The following TENM3 variants were observed in gnomAD, a reference collection of about 807,000 sequenced individuals.
The protein encoded by TENM3 is teneurin-3.
Under a neutral mutation model 255.1 loss-of-function variants are expected in TENM3, and 63 were observed. The ratio of observed to expected loss-of-function variants is 0.25; its 90% confidence interval spans 0.20 to 0.30. The LOEUF (loss-of-function observed/expected upper bound fraction) is 0.30, where lower values mean the gene tolerates loss of function less well. Among genes scored for constraint, TENM3 ranks in the 10% least tolerant of loss-of-function variants. The pLI, the probability that TENM3 is intolerant of heterozygous loss-of-function variation, is 1.00. For missense variants in TENM3, 2,929 were observed against 3,461.1 expected (o/e 0.85, Z 3.86); for synonymous variants, 1,306 against 1,322.3 (o/e 0.99, Z 0.27).
intron 1 of TENM3, among the ~76,000 whole-genome samples, chr4:182,177,958 G>GTTTTTTTTTTT (rs56256529): frequency 1.5e-4 from 18 of 117,130 alleles, no homozygotes; most frequent in South Asian, 5.9e-4. Flanking sequence ...TTTGGTTTTT[G>GTTTTTTTTTTT]TTTTTTTTTT....
intron 3 of TENM3, among the ~76,000 whole-genome samples, chr4:182,434,607 G>C (rs1317754981): frequency 6.6e-6 from 1 of 150,790 alleles, no homozygotes; most frequent in Non-Finnish European, 1.5e-5. Context: ...AAGTTGCAGT[G>C]AGCCAAGATC....
chr4:182,057,090 C>G, the TENM3 span, among the ~76,000 whole-genome samples: 1 of 151,568 alleles, frequency 6.6e-6, no homozygotes. Context: ...GGCACTGACA[C>G]CAGCACCTGA....
At chr4:182,740,562 T>C (rs1761525266) in intron 18 of TENM3, among the ~76,000 whole-genome samples, 1 of 152,200 alleles carries the variant, frequency 6.6e-6, no homozygotes, top group Non-Finnish European at 1.5e-5. Context: ...CATTTAGTTA[T>C]GATGAGAGTA....
At chr4:182,189,309 C>G (rs1753361409) in intron 1 of TENM3, among the ~76,000 whole-genome samples, 1 of 151,974 alleles carries the variant, frequency 6.6e-6, no homozygotes, top group Non-Finnish European at 1.5e-5. Flanking sequence ...GTCACCAGTA[C>G]ATCAATCCTT....
chr4:182,309,209 T>A (rs1355443043), intron 1 of TENM3, among the ~76,000 whole-genome samples: 1 of 152,204 alleles, frequency 6.6e-6, no homozygotes, highest in Non-Finnish European at 1.5e-5. Flanking sequence ...ACAGATGCCA[T>A]GTTGACGGAG....
At chr4:182,727,659 A>G (rs893970533) in intron 13 of TENM3, among the ~76,000 whole-genome samples, 1 of 152,068 alleles carries the variant, frequency 6.6e-6, no homozygotes, top group Admixed American at 6.5e-5. Flanking sequence ...CTTCTCATCC[A>G]TTATTCCTTT....
At chr4:181,935,122 G>A in the TENM3 span, among the ~76,000 whole-genome samples, 3 of 152,130 alleles carry the variant, frequency 2.0e-5, no homozygotes, top group African/African-American at 2.4e-5. Context: ...TTGTTTTATT[G>A]TAATTTTCAA....
At chr4:182,353,447 A>G (rs778452816) in intron 3 of TENM3, among the ~76,000 whole-genome samples, 4 of 152,202 alleles carry the variant, frequency 2.6e-5, no homozygotes, top group Non-Finnish European at 2.9e-5. Flanking sequence ...AGCAAACGTA[A>G]TATGTCGGTG....
intron 13 of TENM3, among the ~76,000 whole-genome samples, chr4:182,724,728 A>C (rs1239726414): frequency 6.6e-6 from 1 of 152,234 alleles, no homozygotes; most frequent in Non-Finnish European, 1.5e-5. Flanking sequence ...TGGCAGCATT[A>C]TGGCGGGGGA....
the TENM3 span, among the ~76,000 whole-genome samples, chr4:182,005,501 G>A: frequency 7.9e-5 from 12 of 152,168 alleles, no homozygotes; most frequent in South Asian, 2.1e-4. Context: ...GTCAGGTAGC[G>A]TGATGTCTCC....
At chr4:182,472,807 C>T (rs1297396450) in intron 3 of TENM3, among the ~76,000 whole-genome samples, 1 of 152,064 alleles carries the variant, frequency 6.6e-6, no homozygotes, top group Admixed American at 6.6e-5. Context: ...CTTTGACCTC[C>T]TGGGATCAAG....
In TENM3 at chr4:182,743,345, T is replaced by A; in HGVS notation, c.3555T>A (p.Ser1185Arg). 1 of 1,613,992 alleles carries A rather than the reference T, an allele frequency of 6.2e-7. No homozygotes were observed. The highest frequency in any genetic ancestry group is 8.5e-7 in the Non-Finnish European group (1 of 1,179,886). Residue 1185 changes from serine to arginine, a missense_variant, in exon 19 of 28, where the codon AGT becomes AGA. Transcript: ENST00000511685. ...PVALACGIDG[S>R]LYVGDFNYVR... Reference sequence around the variant, plus strand: ...CGCTAGCTTGTGGGATCGATGGCAGTCTGTACGTAGGCGATTTCAACTATG... The same window carrying A: ...CGCTAGCTTGTGGGATCGATGGCAGACTGTACGTAGGCGATTTCAACTATG...
the TENM3 span, among the ~76,000 whole-genome samples, chr4:182,002,512 G>C: frequency 6.6e-6 from 1 of 151,966 alleles, no homozygotes; most frequent in African/African-American, 2.4e-5. Flanking sequence ...CCACATTCTC[G>C]GTTGGTTCTC....
the TENM3 span, among the ~76,000 whole-genome samples, chr4:181,898,432 G>A: frequency 1.6e-4 from 24 of 152,162 alleles, 1 homozygote; most frequent in South Asian, 5.0e-3. Context: ...ATTTTCCATT[G>A]ATTAAATTTC....
chr4:181,661,130 A>C, the TENM3 span, among the ~76,000 whole-genome samples: 2 of 152,184 alleles, frequency 1.3e-5, no homozygotes, highest in Non-Finnish European at 1.5e-5. Context: ...AAATTTTGGA[A>C]GTAAAATGCT....
At chr4:181,968,306 G>A in the TENM3 span, among the ~76,000 whole-genome samples, 21 of 152,232 alleles carry the variant, frequency 1.4e-4, no homozygotes, top group East Asian at 1.2e-3. Context: ...CCAGTAGGTC[G>A]TGTCCAGCCA....
chr4:182,216,926 G>A (rs1421201400), intron 1 of TENM3, among the ~76,000 whole-genome samples: 2 of 149,858 alleles, frequency 1.3e-5, no homozygotes, highest in African/African-American at 2.5e-5. Context: ...TTTACAGAAT[G>A]CAACTGGCTA....
chr4:182,616,088 C>T (rs1489504602), intron 4 of TENM3, among the ~76,000 whole-genome samples: 1 of 152,172 alleles, frequency 6.6e-6, no homozygotes, highest in Non-Finnish European at 1.5e-5. Context: ...AAGTTTGAAA[C>T]CTACCGCTTT....
rs551421529 is a variant in TENM3 at position 182,770,315 on chromosome 4, C to T, written c.4893-3157C>T. 3.5e-3 allele frequency among the ~76,000 whole-genome samples: 529 copies of T among 152,190 alleles called. 3 individuals are homozygous for T. Among genetic ancestry groups the T allele is most frequent in the African/African-American group, 0.012 (500 of 41,530 alleles). On this transcript the variant is annotated intron_variant, in intron 22 of 27. Transcript: ENST00000511685. ...ACTCTCACCCCCACCTTAGGTTCCT[C>T]GTTAAAACCCCGCTTTCTTTAAACC... is the stretch of plus-strand genomic sequence containing the variant.
Sources: gnomAD v4.1 joint callset for allele counts (sites outside exome capture counted in the v4.1 genomes callset) on GRCh38, gnomAD v4.1.1 for gene constraint, MANE v1.5 for transcripts, NCBI Gene and HGNC (gene_info 2026-07-23, HGNC 2026-07-21) for gene names.